Variants in SLIT3 observed in about 807,000 individuals in gnomAD.
SLIT3 encodes the protein slit homolog 3 protein.
Under a neutral mutation model 184.0 loss-of-function variants are expected in SLIT3, and 68 were observed. That is an observed-to-expected ratio of 0.37 (90% CI 0.30 to 0.45). The LOEUF (loss-of-function observed/expected upper bound fraction) is 0.45, where lower values mean the gene tolerates loss of function less well. Among genes scored for constraint, SLIT3 ranks in the 20% least tolerant of loss-of-function variants. SLIT3 has a pLI of 1.00. For synonymous variants in SLIT3, 831 were observed against 828.6 expected, an observed-to-expected ratio of 1.00 and a Z score of -0.05; for missense variants, 1,707 against 2,026.0, an observed-to-expected ratio of 0.84 and a Z score of 3.02.
At chr5:169,130,713 C>T (rs982172072) in intron 4 of SLIT3, among the ~76,000 whole-genome samples, 1 of 152,022 alleles carries the variant, frequency 6.6e-6, no homozygotes, top group African/African-American at 2.4e-5. Flanking sequence ...ATAATAATAT[C>T]GAAGCCTCAT....
intron 4 of SLIT3, among the ~76,000 whole-genome samples, chr5:169,031,669 C>T (rs1454167266): frequency 6.6e-6 from 1 of 152,178 alleles, no homozygotes. Flanking sequence ...TGAGCAAGAA[C>T]AGAGTAGTAG....
chr5:169,110,525 T>C (rs996964214), intron 4 of SLIT3, among the ~76,000 whole-genome samples: 1 of 152,148 alleles, frequency 6.6e-6, no homozygotes, highest in Non-Finnish European at 1.5e-5. Flanking sequence ...CCCTACATCA[T>C]TTTTCATTTA....
chr5:168,710,713 T>C (rs1335110459), intron 25 of SLIT3, among the ~76,000 whole-genome samples, 182 bp downstream of exon 25: 1 of 152,174 alleles, frequency 6.6e-6, no homozygotes, highest in East Asian at 1.9e-4. Flanking sequence ...GAATGACACT[T>C]GGCCCATTAG....
intron 4 of SLIT3, chr5:169,022,719 A>C (rs759051823): frequency 5.3e-5 from 8 of 152,180 alleles, no homozygotes; most frequent in Non-Finnish European, 8.8e-5. Flanking sequence ...GGCAGGAAGA[A>C]GTTTCAGGCC....
At chr5:168,840,765 C>A (rs1758213940) in intron 6 of SLIT3, among the ~76,000 whole-genome samples, 1 of 152,176 alleles carries the variant, frequency 6.6e-6, no homozygotes, top group African/African-American at 2.4e-5. Flanking sequence ...AATTAAGAAC[C>A]TTAAATGCCA....
At chr5:168,786,507 T>C (rs917826180) in intron 11 of SLIT3, among the ~76,000 whole-genome samples, 1 of 152,232 alleles carries the variant, frequency 6.6e-6, no homozygotes. Context: ...AGTCAAGGAC[T>C]GGCTCTCGGG....
At chr5:169,039,671 C>A (rs996631425) in intron 4 of SLIT3, among the ~76,000 whole-genome samples, 4 of 152,140 alleles carry the variant, frequency 2.6e-5, no homozygotes, top group African/African-American at 9.7e-5. Context: ...TTCCTTCCAC[C>A]ACCACTAATC....
At chr5:168,983,620 A>C (rs541812024) in intron 4 of SLIT3, among the ~76,000 whole-genome samples, 34 of 152,330 alleles carry the variant, frequency 2.2e-4, no homozygotes, top group African/African-American at 7.2e-4. Flanking sequence ...CAATTTCCTC[A>C]TGTGCAAAAT....
At chr5:168,723,321 C>T (rs1763005191) in intron 21 of SLIT3, among the ~76,000 whole-genome samples, 1 of 150,840 alleles carries the variant, frequency 6.6e-6, no homozygotes, top group Non-Finnish European at 1.5e-5. Context: ...TCCATCCATC[C>T]CACCCTCCCT....
intron 10 of SLIT3, among the ~76,000 whole-genome samples, chr5:168,794,918 C>A (rs1350471745): frequency 6.6e-6 from 1 of 152,126 alleles, no homozygotes. Context: ...GCACACCTAC[C>A]TAAAAGACAC....
intron 20 of SLIT3, among the ~76,000 whole-genome samples, chr5:168,739,743 G>C (rs535759482): frequency 1.7e-4 from 26 of 152,272 alleles, no homozygotes; most frequent in African/African-American, 6.3e-4. Flanking sequence ...ACCGCACCCG[G>C]CTCCTCCCTT....
At chr5:169,187,800 C>T (rs904281925) in intron 4 of SLIT3, among the ~76,000 whole-genome samples, 6 of 151,814 alleles carry the variant, frequency 4.0e-5, no homozygotes, top group African/African-American at 7.3e-5. Context: ...GTGATCAGCC[C>T]GCCTCGGCTT....
At chr5:168,946,052 T>C (rs544816979) in intron 4 of SLIT3, among the ~76,000 whole-genome samples, 5 of 152,302 alleles carry the variant, frequency 3.3e-5, no homozygotes, top group Admixed American at 2.6e-4. Context: ...CTTACGACAA[T>C]GCTAGGGGGG....
At chr5:169,140,212 C>T (rs1219018134) in intron 4 of SLIT3, among the ~76,000 whole-genome samples, 2 of 150,766 alleles carry the variant, frequency 1.3e-5, no homozygotes, top group Admixed American at 1.3e-4. Flanking sequence ...CGCCTGTAAT[C>T]CCAGCACTTT....
intron 4 of SLIT3, among the ~76,000 whole-genome samples, chr5:168,913,740 T>TCAAAAAAAAAAACAAA (rs1761335501): frequency 1.5e-5 from 1 of 66,984 alleles, no homozygotes; most frequent in Non-Finnish European, 3.3e-5. Context: ...AAACTCCGTC[T>TCAAAAAAAAAAACAAA]CAAAAAAAAA....
At chr5:169,264,068 A>G (rs970652452) in intron 1 of SLIT3, among the ~76,000 whole-genome samples, 1 of 151,878 alleles carries the variant, frequency 6.6e-6, no homozygotes, top group Non-Finnish European at 1.5e-5. Context: ...CCTTCCAAAA[A>G]AAACCACTGA....
chr5:168,823,718 C>A (rs1581119098), intron 6 of SLIT3, among the ~76,000 whole-genome samples: 1 of 152,136 alleles, frequency 6.6e-6, no homozygotes, highest in African/African-American at 2.4e-5. Flanking sequence ...TAATAACACA[C>A]AAATCTACAA....
rs555872506 is a variant in SLIT3, at chr5:169,165,455, A to G, written c.413+28024T>C. Among the ~76,000 whole-genome samples the G allele has an allele frequency of 3.9e-5, 6 of 152,346 alleles. 1 individual carries two copies. Among genetic ancestry groups the G allele is most frequent in the South Asian group, 4.1e-4 (2 of 4,830 alleles). ...TCACTGCCTAATCTGCTAAATATGAAGATAGCTAATATTTATTGAGCACAT... is the reference window on the plus strand; with the variant it reads ...TCACTGCCTAATCTGCTAAATATGAGGATAGCTAATATTTATTGAGCACAT... On this transcript the variant is annotated intron_variant, in intron 4 of 35. Transcript: ENST00000519560.
intron 4 of SLIT3, among the ~76,000 whole-genome samples, chr5:169,192,170 G>A (rs151135199): frequency 2.6e-4 from 39 of 152,034 alleles, no homozygotes; most frequent in African/African-American, 6.0e-4. Flanking sequence ...CATTTCCTCC[G>A]CCCCCATGCC....
Sources: gnomAD v4.1 joint callset for allele counts (sites outside exome capture counted in the v4.1 genomes callset) on GRCh38, gnomAD v4.1.1 for gene constraint, MANE v1.5 for transcripts, NCBI Gene and HGNC (gene_info 2026-07-23, HGNC 2026-07-21) for gene names.